The following TRABD2B variants were observed in gnomAD, a reference collection of about 807,000 sequenced individuals.
TRABD2B encodes metalloprotease TIKI2.
Under a neutral mutation model 40.1 loss-of-function variants are expected in TRABD2B, and 14 were observed. The ratio of observed to expected loss-of-function variants is 0.35; its 90% CI spans 0.23 to 0.55. The LOEUF is 0.55. Ranked by LOEUF, TRABD2B falls within the 20% of genes least tolerant of loss-of-function variation. The pLI, the probability that TRABD2B is intolerant of heterozygous loss-of-function variation, is 0.90. For synonymous variants in TRABD2B, 263 were observed against 277.0 expected (o/e 0.95, Z 0.50); for missense variants, 541 against 648.6 (o/e 0.83, Z 1.80).
intron 2 of TRABD2B, among the ~76,000 whole-genome samples, chr1:47,868,322 A>G (rs1312415853): frequency 6.6e-6 from 1 of 152,204 alleles, no homozygotes; most frequent in African/African-American, 2.4e-5. Flanking sequence ...GTGAAGAAAG[A>G]AAGGACAGAA....
intron 2 of TRABD2B, among the ~76,000 whole-genome samples, chr1:47,841,786 C>CT (rs780669674): frequency 0.37 from 50,933 of 136,326 alleles, 9,870 homozygotes; most frequent in East Asian, 0.54. Flanking sequence ...TTTTCTTTTT[C>CT]TTTTTTTTTT....
chr1:47,966,827 C>T (rs2148415846), intron 2 of TRABD2B, among the ~76,000 whole-genome samples: 1 of 151,910 alleles, frequency 6.6e-6, no homozygotes, highest in Non-Finnish European at 1.5e-5. Flanking sequence ...ATCGCTTGAA[C>T]CCAGGAGGCA....
At chr1:47,892,873 C>A (rs527483282) in intron 2 of TRABD2B, among the ~76,000 whole-genome samples, 77 of 152,318 alleles carry the variant, frequency 5.1e-4, no homozygotes, top group Admixed American at 5.0e-3. Flanking sequence ...AGGTACAAAT[C>A]CAGTCTCCAG....
intron 2 of TRABD2B, among the ~76,000 whole-genome samples, chr1:47,825,500 G>A (rs1452316736): frequency 6.6e-6 from 1 of 152,200 alleles, no homozygotes; most frequent in African/African-American, 2.4e-5. Flanking sequence ...CCACCTAGAA[G>A]GGCCTCCTGC....
rs1348925284 is a variant in TRABD2B, at chr1:47,994,434, G to A, written c.266C>T (p.Thr89Ile). Reference sequence around the variant, plus strand: ...CAGGGCCGAGATGGTGTAGGGGTCTGTAAGGTCCAGCTCAAAGTAGACACG... The same window carrying A: ...CAGGGCCGAGATGGTGTAGGGGTCTATAAGGTCCAGCTCAAAGTAGACACG... Reference protein sequence around the residue: ...STRVYFELDLTDPYTISALAS... With the variant: ...STRVYFELDLIDPYTISALAS... Residue 89 changes from threonine to isoleucine, a missense_variant, in exon 2 of 7, where the codon ACA becomes ATA. This residue lies in a region of TRABD2B where 369 missense variants were observed against 492.8 expected (regional missense o/e 0.75). Coordinates refer to ENST00000606738, the MANE Select transcript of TRABD2B (RefSeq NM_001194986.2). The surrounding 1 kb of genome is among the most constrained non-coding windows in gnomAD (Gnocchi z 6.7). 1 of 1,536,180 alleles carries A rather than the reference G, an allele frequency of 6.5e-7. No individual in the cohort carries two copies.
chr1:47,936,130 C>G (rs930846766), intron 2 of TRABD2B, among the ~76,000 whole-genome samples: 1 of 152,160 alleles, frequency 6.6e-6, no homozygotes, highest in Non-Finnish European at 1.5e-5. Context: ...TGAGGTCAGG[C>G]AAGAAAGCCA....
intron 2 of TRABD2B, among the ~76,000 whole-genome samples, chr1:47,872,701 C>A (rs1043275192): frequency 6.6e-6 from 1 of 152,100 alleles, no homozygotes; most frequent in Non-Finnish European, 1.5e-5. Flanking sequence ...AATCCTTATA[C>A]GTTATTTACC....
intron 2 of TRABD2B, among the ~76,000 whole-genome samples, chr1:47,834,577 G>GCACACACA (rs1553156380): frequency 9.0e-4 from 128 of 142,476 alleles, no homozygotes; most frequent in East Asian, 6.7e-3. Context: ...ACACACACAC[G>GCACACACA]CGCACACACA....
intron 2 of TRABD2B, among the ~76,000 whole-genome samples, chr1:47,848,472 T>C (rs1645502294): frequency 6.6e-6 from 1 of 152,188 alleles, no homozygotes; most frequent in Admixed American, 6.5e-5. Context: ...GATTTAAGAA[T>C]GTAGTCACAG....
intron 4 of TRABD2B, among the ~76,000 whole-genome samples, chr1:47,781,803 C>T (rs1644527347): frequency 6.6e-6 from 1 of 152,206 alleles, no homozygotes; most frequent in South Asian, 2.1e-4. Context: ...TCCTGCGCTC[C>T]CGAGCCCATG....
chr1:47,805,992 G>A (rs961224049), intron 2 of TRABD2B, among the ~76,000 whole-genome samples: 67 of 152,288 alleles, frequency 4.4e-4, no homozygotes, highest in Middle Eastern at 3.4e-3. Flanking sequence ...GATGTTGTCC[G>A]TAGTCAAAGA....
intron 2 of TRABD2B, among the ~76,000 whole-genome samples, chr1:47,949,111 A>T (rs1645302466): frequency 6.6e-6 from 1 of 152,216 alleles, no homozygotes; most frequent in South Asian, 2.1e-4. Flanking sequence ...ATAATAGTAA[A>T]ATTGCTAATA....
intron 6 of TRABD2B, among the ~76,000 whole-genome samples, chr1:47,772,390 G>A (rs1344201068): frequency 6.6e-6 from 1 of 151,740 alleles, no homozygotes; most frequent in African/African-American, 2.4e-5. Flanking sequence ...TCAGCCTGGT[G>A]AGGACAGGGG....
chr1:47,852,320 C>T (rs1252331542), intron 2 of TRABD2B, among the ~76,000 whole-genome samples: 1 of 152,206 alleles, frequency 6.6e-6, no homozygotes, highest in Non-Finnish European at 1.5e-5. Context: ...CTAAGGCAGC[C>T]TTTGTTGCTG....
At chr1:47,874,259 T>C (rs1175516438) in intron 2 of TRABD2B, among the ~76,000 whole-genome samples, 2 of 132,578 alleles carry the variant, frequency 1.5e-5, no homozygotes, top group African/African-American at 5.7e-5. Flanking sequence ...TTAATTTTTT[T>C]TTTTTTTTTT....
rs1644996431 is a variant in TRABD2B, at chr1:47,813,845, G to A, written c.667-12226C>T. On this transcript the variant is annotated intron_variant, in intron 2 of 6. Coordinates refer to ENST00000606738, the MANE Select transcript of TRABD2B (RefSeq NM_001194986.2). This position sits in a 1 kb window ranked among gnomAD's most constrained non-coding sequence, Gnocchi z 4.3. ...CAGTCTTCAGTATGGACTAGTGCTA[G>A]GCTCTGTGCTGGGTGCCAAGGCCAT... 6.6e-6 allele frequency among the ~76,000 whole-genome samples: 1 copy of A among 152,200 alleles called. No homozygotes were observed. Among genetic ancestry groups the A allele is most frequent in the Non-Finnish European group, 1.5e-5 (1 of 68,034 alleles).
intron 2 of TRABD2B, among the ~76,000 whole-genome samples, chr1:47,902,379 AG>A (rs1644612857): frequency 6.6e-6 from 1 of 152,178 alleles, no homozygotes. Context: ...ATGGGCAAAC[AG>A]GGGGTCCAGA....
At chr1:47,901,704 C>T (rs1251549467) in intron 2 of TRABD2B, among the ~76,000 whole-genome samples, 1 of 152,220 alleles carries the variant, frequency 6.6e-6, no homozygotes, top group African/African-American at 2.4e-5. Flanking sequence ...GGGCAGACTT[C>T]TGGAGAAGAG....
At chr1:47,778,569 C>T (rs1644478782) in intron 4 of TRABD2B, 25 bp from the exon 5 acceptor site, 2 of 1,519,720 alleles carry the variant, frequency 1.3e-6, no homozygotes, top group African/African-American at 2.7e-5. Flanking sequence ...ACAAAAGGGG[C>T]TCAGCCACAT....
Sources: allele counts gnomAD v4.1 joint callset (sites outside exome capture counted in the v4.1 genomes callset), GRCh38; gene constraint gnomAD v4.1.1; regional missense constraint gnomAD v4.1.1; non-coding constraint Gnocchi (gnomAD v3.1); transcripts MANE v1.5; gene names NCBI Gene and HGNC (gene_info 2026-07-23, HGNC 2026-07-21).